NOL8: variants seen among roughly 807,000 people sequenced by gnomAD.
The protein encoded by NOL8 is nucleolar protein 8.
In NOL8, 93 loss-of-function variants were observed where a neutral mutation model predicts 116.1. That is an observed-to-expected ratio of 0.80 (90% confidence interval 0.68 to 0.95). The LOEUF (loss-of-function observed/expected upper bound fraction) is 0.95. Ranked by LOEUF, NOL8 falls within the 40% of genes least tolerant of loss-of-function variation. The probability of loss-of-function intolerance (pLI) is 0.00; values close to 1 mark genes in which losing one functional copy is unlikely to be tolerated. For missense variants in NOL8, 1,291 were observed against 1,382.8 expected, an observed-to-expected ratio of 0.93 and a Z score of 1.05; for synonymous variants, 419 against 469.0, an observed-to-expected ratio of 0.89 and a Z score of 1.38.
Position 92,314,665 on chromosome 9 carries a change from G to C in NOL8, c.1960C>G (p.Gln654Glu). 6.2e-7 allele frequency: 1 copy of C among 1,613,634 alleles called. No homozygotes were observed. The highest frequency in any genetic ancestry group is 1.1e-5 in the South Asian group (1 of 90,980). ...PQKRQTTFESQDRKAVSPSSS... is the reference protein window; with the variant it reads ...PQKRQTTFESEDRKAVSPSSS... ...CTAGGGGACACTGCCTTGCGATCCTGGCTTTCAAAAGTGGTCTGTCTTTTT... is the reference window on the plus strand; with the variant it reads ...CTAGGGGACACTGCCTTGCGATCCTCGCTTTCAAAAGTGGTCTGTCTTTTT... Residue 654 changes from glutamine (Q) to glutamate (E), a missense_variant, in exon 7 of 17, where the codon CAG becomes GAG. Gln to Glu is a conservative substitution (Grantham distance 29). Coordinates refer to ENST00000442668, the MANE Select transcript of NOL8 (RefSeq NM_017948.6).
At chr9:92,311,055 C>T (rs1440754799) in intron 8 of NOL8, 91 bp downstream of exon 8, 1 of 1,027,908 alleles carries the variant, frequency 9.7e-7, no homozygotes. Context: ...TTGGGGCTCT[C>T]AGGAGGGTTT....
intron 12 of NOL8, among the ~76,000 whole-genome samples, chr9:92,302,441 A>G (rs1370660933): frequency 1.3e-5 from 2 of 152,238 alleles, no homozygotes; most frequent in Non-Finnish European, 2.9e-5. Context: ...AGACCAGGCC[A>G]AAGTTTGTAA....
chr9:92,315,161 T>C lies in NOL8; in HGVS notation c.1464A>G (p.Leu488=). The C allele has an allele frequency of 6.2e-7, 1 of 1,613,994 alleles. No individual in the cohort carries two copies. Among genetic ancestry groups the C allele is most frequent in the Non-Finnish European group, 8.5e-7 (1 of 1,179,890 alleles). The part of the protein sequence containing the change: ...MKNCLRVNLT[L]ADLEQLAGSD... Reference sequence around the variant, plus strand: ...TGCCAGCCAATTGTTCCAAATCAGCTAAAGTGAGATTCACACGAAGGCAGT... The same window carrying C: ...TGCCAGCCAATTGTTCCAAATCAGCCAAAGTGAGATTCACACGAAGGCAGT... Residue 488 remains leucine, a synonymous_variant, in exon 7 of 17, where the codon TTA becomes TTG. Transcript: ENST00000442668.
At chr9:92,303,344 AT>A (rs1361228615) in intron 12 of NOL8, among the ~76,000 whole-genome samples, 1 of 152,112 alleles carries the variant, frequency 6.6e-6, no homozygotes, top group Non-Finnish European at 1.5e-5. Context: ...AAGTTAAGGA[AT>A]TTTTTTTATC....
chr9:92,310,036 C>T (rs1330762360), intron 10 of NOL8, 135 bp downstream of exon 10: 3 of 632,486 alleles, frequency 4.7e-6, no homozygotes, highest in Non-Finnish European at 8.2e-6. Flanking sequence ...ATTAACTGTA[C>T]ATTTGATTAT....
In NOL8 at chr9:92,315,704, T is replaced by A; in HGVS notation, c.921A>T (p.Glu307Asp). The A allele has an allele frequency of 6.2e-7, 1 of 1,612,708 alleles. No homozygotes were observed. Among genetic ancestry groups the A allele is most frequent in the Non-Finnish European group, 8.5e-7 (1 of 1,179,164 alleles). Residue 307 changes from glutamate (E) to aspartate (D), a missense_variant, in exon 7 of 17, where the codon GAA (glutamate) becomes GAT (aspartate). By Grantham distance (45) the Glu-to-Asp change is conservative (BLOSUM62 2). Transcript: ENST00000442668. ...CCTCTTTCGCAATCATCATTCTCAA[T>A]TCATCTTCAGAATCAGTATCATCAT... is the stretch of plus-strand genomic sequence containing the variant. ...ISDDDTDSEDELRMMIAKEEN... is the reference protein window; with the variant it reads ...ISDDDTDSEDDLRMMIAKEEN...
intron 14 of NOL8, 122 bp from the exon 15 acceptor site, chr9:92,299,076 AT>A (rs1156854996): frequency 2.0e-6 from 1 of 488,474 alleles, no homozygotes; most frequent in Non-Finnish European, 3.6e-6. Context: ...ATCTTTTTTC[AT>A]TTCCCCCTAG....
intron 7 of NOL8, among the ~76,000 whole-genome samples, chr9:92,311,909 T>C (rs922149253): frequency 5.9e-5 from 9 of 152,170 alleles, no homozygotes; most frequent in South Asian, 2.1e-4. Flanking sequence ...CATATGTTTA[T>C]TGGAGTACTA....
At position 92,314,810 on chromosome 9, in the gene NOL8, A is replaced by G. The variant is rs1205717870; in HGVS notation, c.1815T>C (p.His605=). 1.2e-6 allele frequency: 2 copies of G among 1,613,510 alleles called. No individual in the cohort carries two copies. The highest frequency in any genetic ancestry group is 1.7e-6 in the Non-Finnish European group (2 of 1,179,718). ...SNNKDQNSMK[H]EDPSIISMED... ...CCATGGATATGATACTGGGATCCTC[A>G]TGTTTCATGGAATTCTGATCTTTAT... Residue 605 remains histidine (H), a synonymous_variant, in exon 7 of 17, where the codon CAT becomes CAC. Transcript: ENST00000442668.
chr9:92,305,722 T>C (rs775984074), intron 12 of NOL8, 31 bp downstream of exon 12: 21 of 1,395,732 alleles, frequency 1.5e-5, no homozygotes, highest in Non-Finnish European at 2.1e-5. Context: ...ATTTACATGA[T>C]CCTATTGCTA....
chr9:92,323,198 C>T (rs1840066236), intron 3 of NOL8: 8 of 1,078,926 alleles, frequency 7.4e-6, no homozygotes, highest in Non-Finnish European at 1.0e-5. Flanking sequence ...GGTCCCTTGT[C>T]CAAAATATTT....
chr9:92,305,720 G>A (rs1564209750), intron 12 of NOL8, 33 bp downstream of exon 12: 2 of 1,378,258 alleles, frequency 1.5e-6, no homozygotes, highest in Non-Finnish European at 2.1e-6. Context: ...TAATTTACAT[G>A]ATCCTATTGC....
At position 92,297,681 on chromosome 9, in the gene NOL8, C is replaced by T; in HGVS notation, c.*155G>A. ...TAGGAAGAAATGCAGAGGAGTTCCA[C>T]AGAAAAAGATGGCAACCAGAATGAT... is the stretch of plus-strand genomic sequence containing the variant. On this transcript the variant is annotated 3_prime_UTR_variant, in exon 17 of 17. Coordinates refer to ENST00000442668, the MANE Select transcript of NOL8 (RefSeq NM_017948.6). 1.7e-6 allele frequency: 1 copy of T among 602,610 alleles called. No homozygotes were observed. Among genetic ancestry groups the T allele is most frequent in the South Asian group, 2.2e-5 (1 of 44,998 alleles). 37.3% of individuals were successfully genotyped at this position (602,610 alleles called of 1,614,324 possible).
At chr9:92,322,078 TTTA>T (rs1363759210) in intron 3 of NOL8, among the ~76,000 whole-genome samples, 1 of 152,246 alleles carries the variant, frequency 6.6e-6, no homozygotes, top group African/African-American at 2.4e-5. Flanking sequence ...TAATGTATAT[TTTA>T]TTGTTATTTC....
intron 14 of NOL8, 115 bp downstream of exon 14, chr9:92,299,775 A>T (rs554705142): frequency 1.3e-5 from 15 of 1,134,330 alleles, no homozygotes; most frequent in Non-Finnish European, 1.9e-5. Context: ...AAAATAAAAA[A>T]AGAAGCTAAG....
At chr9:92,298,656 A>G in intron 15 of NOL8, 1 of 483,498 alleles carries the variant, frequency 2.1e-6, no homozygotes, top group Non-Finnish European at 3.6e-6. Context: ...CATCTAAGGA[A>G]GCCCTTGGAA....
intron 12 of NOL8, 105 bp downstream of exon 12, chr9:92,305,648 C>G: frequency 5.0e-6 from 4 of 796,978 alleles, no homozygotes; most frequent in Non-Finnish European, 8.6e-6. Flanking sequence ...AATCTTAATA[C>G]AGTGGGACCA....
Position 92,297,628 on chromosome 9 carries a change from G to T in NOL8, c.*208C>A. 1 of 542,258 alleles carries T rather than the reference G, an allele frequency of 1.8e-6. No homozygotes were observed. The highest frequency in any genetic ancestry group is 3.3e-6 in the Non-Finnish European group (1 of 306,690). 33.6% of individuals were successfully genotyped at this position (542,258 alleles called of 1,614,324 possible). A position where few individuals can be genotyped will look rare whatever the true frequency, so the allele number is the denominator to read the frequency against. ...CTATCTTGTTCTTCCTTTATAAGAA[G>T]TTGAATTTAATTTTTGAAGTAATTA... On this transcript the variant is annotated 3_prime_UTR_variant, in exon 17 of 17. Coordinates refer to ENST00000442668, the MANE Select transcript of NOL8 (RefSeq NM_017948.6).
At chr9:92,320,074 T>C in intron 4 of NOL8, 1 of 456,116 alleles carries the variant, frequency 2.2e-6, no homozygotes, top group Non-Finnish European at 4.4e-6. Context: ...CTCCATTCAC[T>C]CTTCCCCATG....
Sources: gnomAD v4.1 joint callset for allele counts (sites outside exome capture counted in the v4.1 genomes callset) on GRCh38, gnomAD v4.1.1 for gene constraint, MANE v1.5 for transcripts, NCBI Gene and HGNC (gene_info 2026-07-23, HGNC 2026-07-21) for gene names.